Variants in EYA4 observed in about 807,000 individuals in gnomAD.
The protein encoded by EYA4 is protein phosphatase EYA4.
In EYA4, 31 loss-of-function variants were observed where a neutral mutation model predicts 87.9. The ratio of observed to expected loss-of-function variants is 0.35; its 90% CI spans 0.27 to 0.48. The LOEUF is 0.48. EYA4 is among the 20% of genes least tolerant of loss of function. The pLI, the probability that EYA4 is intolerant of heterozygous loss-of-function variation, is 0.99. For missense variants in EYA4, 678 were observed against 761.4 expected, an observed-to-expected ratio of 0.89 and a Z score of 1.29; for synonymous variants, 263 against 270.6, an observed-to-expected ratio of 0.97 and a Z score of 0.28.
intron 2 of EYA4, among the ~76,000 whole-genome samples, chr6:133,373,825 AT>A (rs1785463400): frequency 6.6e-6 from 1 of 152,122 alleles, no homozygotes; most frequent in African/African-American, 2.4e-5. Flanking sequence ...GTATTTATGC[AT>A]AGTATCAAGG....
intron 1 of EYA4, among the ~76,000 whole-genome samples, chr6:133,271,969 C>A (rs1032387768): frequency 4.6e-5 from 7 of 152,154 alleles, no homozygotes; most frequent in African/African-American, 1.7e-4. Context: ...TCTTTGTCAC[C>A]AGTTTTCCAA....
intron 2 of EYA4, among the ~76,000 whole-genome samples, chr6:133,299,957 A>C (rs545046395): frequency 3.9e-4 from 42 of 107,572 alleles, no homozygotes; most frequent in African/African-American, 1.4e-3. Context: ...CTATCTATCT[A>C]TATATATATA....
chr6:133,410,508 A>C (rs568357749), intron 3 of EYA4, among the ~76,000 whole-genome samples: 1 of 151,188 alleles, frequency 6.6e-6, no homozygotes, highest in Non-Finnish European at 1.5e-5. Flanking sequence ...CAAATTTATA[A>C]AAATTTACAA....
chr6:133,355,850 A>G (rs1783977661), intron 2 of EYA4, among the ~76,000 whole-genome samples: 1 of 152,198 alleles, frequency 6.6e-6, no homozygotes, highest in African/African-American at 2.4e-5. Flanking sequence ...GTTGTATTAC[A>G]TAGTTGCATA....
At chr6:133,441,421 A>C (rs1792277407) in intron 3 of EYA4, among the ~76,000 whole-genome samples, 1 of 152,230 alleles carries the variant, frequency 6.6e-6, no homozygotes, top group Non-Finnish European at 1.5e-5. Flanking sequence ...TGGCACTCGA[A>C]TATAAAATTT....
intron 13 of EYA4, among the ~76,000 whole-genome samples, chr6:133,492,669 C>T (rs949060064): frequency 6.6e-6 from 1 of 152,076 alleles, no homozygotes; most frequent in East Asian, 1.9e-4. Context: ...TCAAATTAGC[C>T]TTATTTGTAG....
chr6:133,310,925 G>A (rs527346486), intron 2 of EYA4, among the ~76,000 whole-genome samples: 2 of 152,254 alleles, frequency 1.3e-5, no homozygotes, highest in African/African-American at 4.8e-5. Flanking sequence ...TATTATTCTT[G>A]TTTAGTTTCC....
At chr6:133,447,964 C>G in intron 4 of EYA4, 147 bp from the exon 5 acceptor site, 1 of 689,406 alleles carries the variant, frequency 1.5e-6, no homozygotes, top group South Asian at 1.5e-5. Context: ...TGAACTAAAA[C>G]AGACCTGATA....
intron 2 of EYA4, 112 bp from the exon 3 acceptor site, chr6:133,382,280 G>T: frequency 1.3e-6 from 1 of 792,880 alleles, no homozygotes; most frequent in South Asian, 1.4e-5. Context: ...AAGTGTGGGG[G>T]GTATTTTATA....
chr6:133,485,367 T>C (rs972656559), intron 13 of EYA4, among the ~76,000 whole-genome samples: 1 of 152,104 alleles, frequency 6.6e-6, no homozygotes, highest in Non-Finnish European at 1.5e-5. Context: ...CTAACCATTA[T>C]GGAAGGCTCA....
intron 3 of EYA4, among the ~76,000 whole-genome samples, chr6:133,392,100 A>G (rs2128496783): frequency 6.6e-6 from 1 of 152,230 alleles, no homozygotes; most frequent in East Asian, 1.9e-4. Flanking sequence ...GCAAAGTAAG[A>G]GGAACTCAGT....
Position 133,468,712 on chromosome 6 carries a change from A to G in EYA4, c.951A>G (p.Pro317=), listed in dbSNP as rs1060504783. 3 of 1,613,084 alleles carry G rather than the reference A, an allele frequency of 1.9e-6. No homozygotes were observed. The highest frequency in any genetic ancestry group is 1.3e-5 in the African/African-American group (1 of 74,988). ...TSTYQLQESL[P]GLTNQPGEFD... ...CTTATCAGTTGCAGGAATCTCTCCC[A>G]GGACTGACTAACCAACCAGGTACAG... is the stretch of plus-strand genomic sequence containing the variant. The change falls in exon 11 of 20, where the codon CCA becomes CCG. Residue 317 remains proline, a synonymous_variant. Coordinates refer to ENST00000355286, the MANE Select transcript of EYA4 (RefSeq NM_004100.5).
chr6:133,496,230 A>C (rs1198889086), intron 13 of EYA4, among the ~76,000 whole-genome samples: 1 of 152,212 alleles, frequency 6.6e-6, no homozygotes, highest in Admixed American at 6.5e-5. Context: ...AGATTGTCTA[A>C]GCTTGAAATT....
Position 133,252,115 on chromosome 6 carries a change from T to C in EYA4, c.-66+10366T>C, listed in dbSNP as rs148402682. ...ATTTGAATCATCTATGTGTCTTTTC[T>C]TCCGGTTATTTGTCAGTAGATAGTT... On this transcript the variant is annotated intron_variant, in intron 1 of 19. Transcript: ENST00000355286. Among the ~76,000 whole-genome samples the C allele has an allele frequency of 4.0e-3, 617 of 152,358 alleles. 3 individuals are homozygous for C. The highest frequency in any genetic ancestry group is 0.014 in the African/African-American group (587 of 41,582).
intron 2 of EYA4, among the ~76,000 whole-genome samples, chr6:133,354,309 A>G (rs1298470599): frequency 6.6e-6 from 1 of 152,080 alleles, no homozygotes; most frequent in Non-Finnish European, 1.5e-5. Context: ...GAGTGAACAT[A>G]CTACCAGTAA....
intron 2 of EYA4, among the ~76,000 whole-genome samples, chr6:133,288,731 C>T (rs964542387): frequency 5.9e-5 from 9 of 151,858 alleles, no homozygotes; most frequent in African/African-American, 2.2e-4. Context: ...TTATGAAGTG[C>T]AAGGAGGAAG....
Position 133,404,782 on chromosome 6 carries a change from G to A in EYA4, c.83+22341G>A, listed in dbSNP as rs140917959. On this transcript the variant is annotated intron_variant, in intron 3 of 19. Transcript: ENST00000355286. ...GTTTCGGGATGTCCTTCGTGTTCAC[G>A]TGTAGCCCTGCCTCATCACCCACCT... 7.5e-3 allele frequency among the ~76,000 whole-genome samples: 1,145 copies of A among 152,282 alleles called. 6 individuals are homozygous for A. The highest frequency in any genetic ancestry group is 0.018 in the Admixed American group (273 of 15,288).
At chr6:133,295,435 C>T (rs1011716993) in intron 2 of EYA4, among the ~76,000 whole-genome samples, 2 of 152,078 alleles carry the variant, frequency 1.3e-5, no homozygotes, top group African/African-American at 2.4e-5. Context: ...TGCATTTGCT[C>T]AGAGACTGTT....
intron 3 of EYA4, among the ~76,000 whole-genome samples, chr6:133,414,845 G>A (rs1358739745): frequency 2.0e-5 from 3 of 152,142 alleles, no homozygotes; most frequent in Admixed American, 6.5e-5. Context: ...AAAAGCAGAA[G>A]TTACACCATG....
Sources: allele counts gnomAD v4.1 joint callset (sites outside exome capture counted in the v4.1 genomes callset), GRCh38; gene constraint gnomAD v4.1.1; transcripts MANE v1.5; gene names NCBI Gene and HGNC (gene_info 2026-07-23, HGNC 2026-07-21).